SHROOM3: variants seen among roughly 807,000 people sequenced by gnomAD.
SHROOM3 encodes the protein protein Shroom3.
A neutral mutation model predicts 138.6 loss-of-function variants in SHROOM3; 47 were observed. That is an observed-to-expected ratio of 0.34 (90% confidence interval 0.27 to 0.43). SHROOM3 has a LOEUF of 0.43. Among genes scored for constraint, SHROOM3 ranks in the 20% least tolerant of loss-of-function variants. SHROOM3 has a pLI of 1.00. For synonymous variants in SHROOM3, 1,062 were observed against 1,063.3 expected (o/e 1.00, Z 0.02); for missense variants, 2,491 against 2,596.5 (o/e 0.96, Z 0.88).
rs1233745165 is a variant in SHROOM3, at chr4:76,755,045, C to G, written c.4562C>G (p.Pro1521Arg). ...CCGCACCCCAAGGCCACGTCCAGCC[C>G]CACATTTGAACCTCTTCCCCCACCC... ...RDPHPKATSS[P>R]TFEPLPPPPP... Residue 1521 changes from proline (P) to arginine (R), a missense_variant, in exon 7 of 11, where the codon CCC becomes CGC. This residue lies in a region of SHROOM3 where 470 missense variants were observed against 595.0 expected (regional missense o/e 0.79). Transcript: ENST00000296043. The G allele has an allele frequency of 1.2e-6, 2 of 1,602,980 alleles. No individual in the cohort carries two copies. The highest frequency in any genetic ancestry group is 1.7e-6 in the Non-Finnish European group (2 of 1,172,510).
intron 2 of SHROOM3, among the ~76,000 whole-genome samples, chr4:76,628,052 T>C (rs1248662834): frequency 6.6e-6 from 1 of 152,194 alleles, no homozygotes; most frequent in Non-Finnish European, 1.5e-5. Context: ...ACACCTACTT[T>C]ATGACAGTTT....
intron 1 of SHROOM3, among the ~76,000 whole-genome samples, chr4:76,478,297 G>A (rs1731530862): frequency 6.6e-6 from 1 of 152,166 alleles, no homozygotes; most frequent in African/African-American, 2.4e-5. Flanking sequence ...TGGGGGGAGG[G>A]GCATCCGCCA....
At chr4:76,561,423 G>A (rs1033431820) in intron 2 of SHROOM3, among the ~76,000 whole-genome samples, 5 of 152,048 alleles carry the variant, frequency 3.3e-5, no homozygotes, top group African/African-American at 9.7e-5. Context: ...CCATGTAGAG[G>A]TGGCTAGCGT....
Position 76,739,232 on chromosome 4 carries a change from C to T in SHROOM3, c.1059C>T (p.Gly353=), listed in dbSNP as rs760134794. The T allele has an allele frequency of 1.2e-6, 2 of 1,614,072 alleles. No homozygotes were observed. Among genetic ancestry groups the T allele is most frequent in the East Asian group, 2.2e-5 (1 of 44,874 alleles). ...GYDKWSNIPR[G]KGVPPPSWSQ... is the part of the protein sequence containing the mutation. ...ATAAATGGTCTAATATTCCTCGGGG[C>T]AAGGGAGTGCCACCCCCATCCTGGA... Residue 353 remains glycine, a synonymous_variant, in exon 5 of 11, where the codon GGC becomes GGT. Transcript: ENST00000296043.
At chr4:76,747,913 A>C (rs1178833347) in intron 5 of SHROOM3, among the ~76,000 whole-genome samples, 1 of 152,122 alleles carries the variant, frequency 6.6e-6, no homozygotes, top group African/African-American at 2.4e-5. Flanking sequence ...TTCTCCACTT[A>C]CTTAACTGTG....
intron 2 of SHROOM3, among the ~76,000 whole-genome samples, chr4:76,667,822 G>T (rs1483458013): frequency 2.0e-5 from 3 of 151,424 alleles, no homozygotes; most frequent in Non-Finnish European, 2.9e-5. Flanking sequence ...AAAAAAATTA[G>T]CTGGGCGTGG....
At chr4:76,699,086 T>C (rs77637964) in intron 2 of SHROOM3, among the ~76,000 whole-genome samples, 24,745 of 152,140 alleles carry the variant, frequency 0.16, 2,371 homozygotes, top group East Asian at 0.31. Flanking sequence ...CTTGCAGTGG[T>C]TATTAAGCCA....
chr4:76,608,679 A>ATG (rs1734694479), intron 2 of SHROOM3, among the ~76,000 whole-genome samples: 1 of 36,728 alleles, frequency 2.7e-5, no homozygotes, highest in African/African-American at 6.9e-5. Flanking sequence ...AGCATAGCAC[A>ATG]GCACAGCACA....
At chr4:76,673,677 T>G (rs934501099) in intron 2 of SHROOM3, among the ~76,000 whole-genome samples, 1 of 152,170 alleles carries the variant, frequency 6.6e-6, no homozygotes. Context: ...TTAAAAAAAA[T>G]TTTAATTGTG....
At chr4:76,476,430 C>T (rs1314687038) in intron 1 of SHROOM3, among the ~76,000 whole-genome samples, 2 of 152,178 alleles carry the variant, frequency 1.3e-5, no homozygotes, top group East Asian at 3.9e-4. Context: ...TATTAAGAAA[C>T]TTGGCTTCAG....
At chr4:76,689,386 C>A (rs1451650983) in intron 2 of SHROOM3, among the ~76,000 whole-genome samples, 1 of 126,920 alleles carries the variant, frequency 7.9e-6, no homozygotes. Context: ...GCCAGCGCGG[C>A]CCCTCGGGTG....
intron 1 of SHROOM3, among the ~76,000 whole-genome samples, chr4:76,473,828 A>T (rs76822097): frequency 6.6e-6 from 1 of 152,204 alleles, no homozygotes; most frequent in Non-Finnish European, 1.5e-5. Flanking sequence ...AGTGTTGGCC[A>T]GGATGTGAAG....
chr4:76,470,718 G>A (rs1731351915), intron 1 of SHROOM3, among the ~76,000 whole-genome samples: 1 of 152,124 alleles, frequency 6.6e-6, no homozygotes, highest in South Asian at 2.1e-4. Flanking sequence ...TAACGAATGA[G>A]GCTGAAAATG....
intron 2 of SHROOM3, among the ~76,000 whole-genome samples, chr4:76,607,900 A>G (rs1577915359): frequency 6.6e-6 from 1 of 152,280 alleles, no homozygotes; most frequent in East Asian, 1.9e-4. Flanking sequence ...ATTAACCTTT[A>G]TGAAGGTTGT....
Position 76,740,284 on chromosome 4 carries a change from C to G in SHROOM3, c.2111C>G (p.Pro704Arg), listed in dbSNP as rs1721202126. ...GCAGTCAACACCAAGGCAGAAGACC[C>G]TGGGAGGAAAGCCGCTCCTGACCTC... Reference protein sequence around the residue: ...TCAVNTKAEDPGRKAAPDLGS... With the variant: ...TCAVNTKAEDRGRKAAPDLGS... The change falls in exon 5 of 11, where the codon CCT becomes CGT. Residue 704 changes from proline to arginine, a missense_variant. By Grantham distance (103) the Pro-to-Arg change is moderately radical. Coordinates refer to ENST00000296043, the MANE Select transcript of SHROOM3 (RefSeq NM_020859.4). This position sits in a 1 kb window ranked among gnomAD's most constrained non-coding sequence, Gnocchi z 4.0. 6.2e-7 allele frequency: 1 copy of G among 1,613,184 alleles called. No individual in the cohort carries two copies. Among genetic ancestry groups the G allele is most frequent in the South Asian group, 1.1e-5 (1 of 91,092 alleles).
chr4:76,608,656 CATAGCAT>C (rs1560563332), intron 2 of SHROOM3, among the ~76,000 whole-genome samples: 4 of 26,708 alleles, frequency 1.5e-4, no homozygotes, highest in African/African-American at 2.5e-4. Context: ...CATAGCATAG[CATAGCAT>C]AGCACAGCAT....
intron 1 of SHROOM3, among the ~76,000 whole-genome samples, chr4:76,448,366 C>T (rs1730856711): frequency 6.6e-6 from 1 of 152,228 alleles, no homozygotes; most frequent in East Asian, 1.9e-4. Context: ...ACCACTGCAA[C>T]TGACCCGTCC....
rs1428908504 is a variant in SHROOM3 at position 76,770,347 on chromosome 4, AAAAACAG to A, written c.5350-276_5350-270del. ...CTCAAAAAAAAAAAAAAAAAAAAAA[AAAAACAG>A]AAGACAAAGCTGTACATAGCATGAC... On this transcript the variant is annotated intron_variant, in intron 9 of 10. Coordinates refer to ENST00000296043, the MANE Select transcript of SHROOM3 (RefSeq NM_020859.4). Among the ~76,000 whole-genome samples, 41 of 136,110 alleles carry A rather than the reference AAAAACAG, an allele frequency of 3.0e-4. 2 individuals carry two copies. Among genetic ancestry groups the A allele is most frequent in the Non-Finnish European group, 4.4e-4 (26 of 59,216 alleles). The allele number at this position is 136,110 out of a possible 152,430, so 89.3% of individuals were successfully genotyped here. A position where few individuals can be genotyped will look rare whatever the true frequency, so the allele number is the denominator to read the frequency against.
intron 2 of SHROOM3, among the ~76,000 whole-genome samples, chr4:76,566,529 C>T (rs1281655035): frequency 3.3e-5 from 5 of 152,176 alleles, no homozygotes; most frequent in African/African-American, 4.8e-5. Flanking sequence ...TTGTTAAATA[C>T]CACCCCCTCC....
Sources: gnomAD v4.1 joint callset for allele counts (sites outside exome capture counted in the v4.1 genomes callset) on GRCh38, gnomAD v4.1.1 for gene constraint, gnomAD v4.1.1 regional missense constraint, Gnocchi (gnomAD v3.1) non-coding constraint, MANE v1.5 for transcripts, NCBI Gene and HGNC (gene_info 2026-07-23, HGNC 2026-07-21) for gene names.